The following KLHL22 variants were observed in gnomAD, a reference collection of about 807,000 sequenced individuals.
KLHL22 encodes kelch like family member 22.
In KLHL22, 18 loss-of-function variants were observed where a neutral mutation model predicts 60.7. That is an observed-to-expected ratio of 0.30 (90% CI 0.20 to 0.44). The LOEUF (loss-of-function observed/expected upper bound fraction) is 0.44. KLHL22 is among the 20% of genes least tolerant of loss of function. KLHL22 has a pLI of 1.00. For missense variants in KLHL22, 596 were observed against 852.3 expected (o/e 0.70, Z 3.74); for synonymous variants, 355 against 354.5 (o/e 1.00, Z -0.01).
intron 3 of KLHL22, 44 bp downstream of exon 3, chr22:20,471,306 C>A: frequency 6.3e-7 from 1 of 1,591,686 alleles, no homozygotes; most frequent in African/African-American, 1.3e-5. Flanking sequence ...TCAGGGAACC[C>A]CACCTGGGTG....
chr22:20,457,093 G>T (rs1405979252), intron 5 of KLHL22, among the ~76,000 whole-genome samples: 3 of 152,010 alleles, frequency 2.0e-5, no homozygotes, highest in Non-Finnish European at 4.4e-5. Flanking sequence ...GAAGTAGGGG[G>T]CCAGCAAGGC....
rs140685449 is a variant in KLHL22 at position 20,468,908 on chromosome 22, G to C, written c.393+2442C>G. ...TGGCCTCAAGCAATCCTCTCACCTT[G>C]GCCTCCAAAAGTGCTGGGATTACAG... On this transcript the variant is annotated intron_variant, in intron 3 of 6. Coordinates refer to ENST00000328879, the MANE Select transcript of KLHL22 (RefSeq NM_032775.4). Among the ~76,000 whole-genome samples, 434 of 152,180 alleles carry C rather than the reference G, an allele frequency of 2.9e-3. 2 individuals are homozygous for C. The highest frequency in any genetic ancestry group is 9.7e-3 in the African/African-American group (402 of 41,508).
At chr22:20,458,083 T>C in intron 4 of KLHL22, 83 bp from the exon 5 acceptor site, 1 of 1,490,548 alleles carries the variant, frequency 6.7e-7, no homozygotes, top group South Asian at 1.3e-5. Context: ...TCTGGTCCCA[T>C]TTCTGCTTTG....
chr22:20,469,743 C>A (rs370284998), intron 3 of KLHL22, among the ~76,000 whole-genome samples: 1 of 148,878 alleles, frequency 6.7e-6, no homozygotes, highest in East Asian at 2.0e-4. Context: ...CCTCCACATG[C>A]CCCCGAACAG....
chr22:20,465,206 T>C lies in KLHL22; in HGVS notation c.764A>G (p.Gln255Arg). ...GGGGTCCAGCTTGTCATGCAGCCGC[T>C]GCAGGACCTCAGCTTCCATCAGCGG... ...RFPLMEAEVL[Q>R]RLHDKLDPSP... The change falls in exon 4 of 7, where the codon CAG becomes CGG. Residue 255 changes from glutamine to arginine, a missense_variant. Physicochemically the swap from Gln to Arg is conservative, Grantham distance 43. Coordinates refer to ENST00000328879, the MANE Select transcript of KLHL22 (RefSeq NM_032775.4). This position sits in a 1 kb window ranked among gnomAD's most constrained non-coding sequence, Gnocchi z 4.9. The C allele has an allele frequency of 6.2e-7, 1 of 1,613,874 alleles. No homozygotes were observed. The highest frequency in any genetic ancestry group is 8.5e-7 in the Non-Finnish European group (1 of 1,180,000).
chr22:20,461,612 T>TA (rs1275590239), intron 4 of KLHL22, among the ~76,000 whole-genome samples: 2 of 150,892 alleles, frequency 1.3e-5, no homozygotes, highest in Admixed American at 6.6e-5. Flanking sequence ...TTCCATGACT[T>TA]AAGTATTTTC....
intron 5 of KLHL22, among the ~76,000 whole-genome samples, chr22:20,455,876 T>C (rs994746765): frequency 6.6e-6 from 1 of 152,238 alleles, no homozygotes; most frequent in Admixed American, 6.5e-5. Context: ...CCCGCCCATT[T>C]ATGAATAATC....
chr22:20,484,912 A>T (rs551580702), intron 2 of KLHL22, among the ~76,000 whole-genome samples: 211 of 151,374 alleles, frequency 1.4e-3, no homozygotes, highest in East Asian at 6.0e-3. Flanking sequence ...ATTAAAAAAA[A>T]TTTTTTTTTC....
intron 2 of KLHL22, among the ~76,000 whole-genome samples, chr22:20,472,837 G>A (rs2053349950): frequency 1.3e-5 from 2 of 152,200 alleles, no homozygotes; most frequent in African/African-American, 4.8e-5. Flanking sequence ...AAGGAGCAGG[G>A]AAAGCCCCAT....
At position 20,489,265 on chromosome 22, in the gene KLHL22, G is replaced by C. The variant is rs761835923; in HGVS notation, c.-33-21C>G. The stretch of plus-strand genomic sequence containing the variant: ...GTGGCCTGACAGTTGGCAAAACAGG[G>C]GACAGGGGTGAGCAGGCAGGCATCA... On this transcript the variant is annotated intron_variant, in intron 1 of 6. Coordinates refer to ENST00000328879, the MANE Select transcript of KLHL22 (RefSeq NM_032775.4). 6 of 1,580,864 alleles carry C rather than the reference G, an allele frequency of 3.8e-6. No homozygotes were observed. The Admixed American group carries it at 6.7e-5, about 18-fold the overall frequency.
chr22:20,480,876 G>A (rs1251930978), intron 2 of KLHL22, among the ~76,000 whole-genome samples: 2 of 141,080 alleles, frequency 1.4e-5, no homozygotes, highest in Non-Finnish European at 3.0e-5. Flanking sequence ...CTGTCGCCCA[G>A]GCTGGAATGC....
At chr22:20,447,349 T>A (rs992423323) in intron 5 of KLHL22, among the ~76,000 whole-genome samples, 6 of 152,158 alleles carry the variant, frequency 3.9e-5, no homozygotes, top group Admixed American at 6.5e-5. Flanking sequence ...CTGGGTGTTT[T>A]GAGGGTAGAG....
rs1433819868 is a variant in KLHL22 at position 20,441,929 on chromosome 22, G to A, written c.*144C>T. The A allele has an allele frequency of 3.4e-5, 27 of 787,252 alleles. No homozygotes were observed. The highest frequency in any genetic ancestry group is 5.0e-5 in the Non-Finnish European group (27 of 535,128). The allele number at this position is 787,252 out of a possible 1,614,324, so 48.8% of individuals were successfully genotyped here. ...GCGGCAGGCTGGCCAAGGGGCTGGTGTGAAGAAAGAGGGCAGGGCCCATAA... is the reference window on the plus strand; with the variant it reads ...GCGGCAGGCTGGCCAAGGGGCTGGTATGAAGAAAGAGGGCAGGGCCCATAA... On this transcript the variant is annotated 3_prime_UTR_variant, in exon 7 of 7. Coordinates refer to ENST00000328879, the MANE Select transcript of KLHL22 (RefSeq NM_032775.4).
rs371120861 is a variant in KLHL22, at chr22:20,469,554, TA to T, written c.393+1795del. ...GGGATGTGGGGACAGAAGAGATCTCTAAATAAAAGAACAGGGGGAAATTCTT... is the reference window on the plus strand; with the variant it reads ...GGGATGTGGGGACAGAAGAGATCTCTAATAAAAGAACAGGGGGAAATTCTT... On this transcript the variant is annotated intron_variant, in intron 3 of 6. Coordinates refer to ENST00000328879, the MANE Select transcript of KLHL22 (RefSeq NM_032775.4). 6.8e-4 allele frequency among the ~76,000 whole-genome samples: 104 copies of T among 152,236 alleles called. 1 individual carries two copies. In the South Asian group the frequency reaches 0.021, roughly 31 times the overall value.
intron 4 of KLHL22, among the ~76,000 whole-genome samples, chr22:20,460,903 C>A (rs2053144192): frequency 6.6e-6 from 1 of 152,210 alleles, no homozygotes; most frequent in African/African-American, 2.4e-5. Context: ...GAAGGCCTAA[C>A]CCCCATTGTG....
In KLHL22 at chr22:20,442,217, C is replaced by T. The variant is rs770600667; in HGVS notation, c.1761G>A (p.Ala587=). 2.0e-5 allele frequency: 32 copies of T among 1,604,548 alleles called. No homozygotes were observed. Among genetic ancestry groups the T allele is most frequent in the East Asian group, 4.5e-5 (2 of 44,734 alleles). Residue 587 remains alanine, a synonymous_variant, in exon 7 of 7, where the codon GCG becomes GCA. Transcript: ENST00000328879. The stretch of plus-strand genomic sequence containing the variant: ...AGCGGGGCAGGGTGAGCACACAGGC[C>T]GCCAGGCCTGAGATGGAGTTGTCCA... ...PQLDNSISGL[A]ACVLTLPRSL...
intron 4 of KLHL22, among the ~76,000 whole-genome samples, chr22:20,459,047 A>G (rs182773885): frequency 6.6e-6 from 1 of 152,250 alleles, no homozygotes; most frequent in East Asian, 1.9e-4. Flanking sequence ...ATGGCCTGCA[A>G]TGTGGAGCAG....
rs2053061382 is a variant in KLHL22 at position 20,456,304 on chromosome 22, CTT to C, written c.1305+1502_1305+1503del. The C allele has an allele frequency of 1.3e-5, 2 of 152,202 alleles. 1 individual carries two copies. Among genetic ancestry groups the C allele is most frequent in the South Asian group, 4.1e-4 (2 of 4,828 alleles). The allele number at this position is 152,202 out of a possible 1,614,324, so 9.4% of individuals were successfully genotyped here. A position where few individuals can be genotyped will look rare whatever the true frequency, so the allele number is the denominator to read the frequency against. ...CTGTAAACACCATGGAGTGGGGAGT[CTT>C]TCTCATTTCTTGTCACCACTGGATT... On this transcript the variant is annotated intron_variant, in intron 5 of 6. Coordinates refer to ENST00000328879, the MANE Select transcript of KLHL22 (RefSeq NM_032775.4).
In KLHL22 at chr22:20,479,379, A is replaced by C. The variant is rs573224736; in HGVS notation, c.228-7864T>G. On this transcript the variant is annotated intron_variant, in intron 2 of 6. Transcript: ENST00000328879. The stretch of plus-strand genomic sequence containing the variant: ...TCCATTAGGATGACCACTATAAAAA[A>C]ACAACAAAACAAACAAACAAAAAGT... Among the ~76,000 whole-genome samples, 4 of 152,294 alleles carry C rather than the reference A, an allele frequency of 2.6e-5. No individual in the cohort carries two copies. The East Asian group carries it at 7.7e-4, about 29-fold the overall frequency.
Sources: gnomAD v4.1 joint callset for allele counts (sites outside exome capture counted in the v4.1 genomes callset) on GRCh38, gnomAD v4.1.1 for gene constraint, Gnocchi (gnomAD v3.1) non-coding constraint, MANE v1.5 for transcripts, NCBI Gene and HGNC (gene_info 2026-07-23, HGNC 2026-07-21) for gene names.